Variants in MAML3 observed in about 807,000 individuals in gnomAD.
The protein encoded by MAML3 is mastermind like transcriptional coactivator 3.
In MAML3, 27 loss-of-function variants were observed where a neutral mutation model predicts 101.9. That is an observed-to-expected ratio of 0.27 (90% CI 0.20 to 0.37). MAML3 has a LOEUF of 0.37. MAML3 is among the 10% of genes least tolerant of loss of function. The pLI is 1.00. For synonymous variants in MAML3, 501 were observed against 555.9 expected, an observed-to-expected ratio of 0.90 and a Z score of 1.39; for missense variants, 1,316 against 1,444.9, an observed-to-expected ratio of 0.91 and a Z score of 1.45.
intron 1 of MAML3, among the ~76,000 whole-genome samples, chr4:139,926,385 GGTC>G (rs551574475): frequency 6.6e-5 from 10 of 152,292 alleles, no homozygotes; most frequent in Admixed American, 6.5e-4. Flanking sequence ...GATCACCTGA[GGTC>G]AGGAGATCAA....
intron 2 of MAML3, among the ~76,000 whole-genome samples, chr4:139,816,752 C>A (rs1320489248): frequency 6.6e-6 from 1 of 151,954 alleles, no homozygotes; most frequent in Non-Finnish European, 1.5e-5. Context: ...TGTTAAAATA[C>A]CTAACCTCTG....
intron 2 of MAML3, among the ~76,000 whole-genome samples, chr4:139,828,053 A>ACAAAT (rs1342319705): frequency 3.9e-5 from 6 of 152,266 alleles, no homozygotes; most frequent in Non-Finnish European, 8.8e-5. Context: ...TGTCTGACAC[A>ACAAAT]CTTGCACATA....
chr4:140,142,046 T>C (rs1270493467), intron 1 of MAML3, among the ~76,000 whole-genome samples: 1 of 152,164 alleles, frequency 6.6e-6, no homozygotes, highest in Admixed American at 6.5e-5. Context: ...TATCAATCAA[T>C]AGAGAATCAT....
chr4:139,847,130 T>C (rs1169601396), intron 2 of MAML3, among the ~76,000 whole-genome samples: 1 of 152,246 alleles, frequency 6.6e-6, no homozygotes, highest in Non-Finnish European at 1.5e-5. Context: ...TTTTCCTTTC[T>C]TCTTCCTTTC....
chr4:140,122,791 CAAAAAAAAAA>C (rs35276329), intron 1 of MAML3, among the ~76,000 whole-genome samples: 1 of 82,950 alleles, frequency 1.2e-5, no homozygotes, highest in Non-Finnish European at 2.6e-5. Context: ...GACTCCGTCT[CAAAAAAAAAA>C]AAAAAAAAAA....
At chr4:139,874,605 T>C (rs1050359457) in intron 2 of MAML3, among the ~76,000 whole-genome samples, 1 of 152,232 alleles carries the variant, frequency 6.6e-6, no homozygotes, top group African/African-American at 2.4e-5. Flanking sequence ...AATGAATGAA[T>C]GAAACTGGCT....
chr4:140,110,987 T>C (rs1290983705), intron 1 of MAML3, among the ~76,000 whole-genome samples: 1 of 152,190 alleles, frequency 6.6e-6, no homozygotes, highest in Non-Finnish European at 1.5e-5. Context: ...ATTCTTAGAT[T>C]AGTATTTGTG....
At chr4:139,981,426 GATAA>G (rs1257323439) in intron 1 of MAML3, among the ~76,000 whole-genome samples, 1 of 152,170 alleles carries the variant, frequency 6.6e-6, no homozygotes, top group South Asian at 2.1e-4. Flanking sequence ...TTCAGCCCAT[GATAA>G]ATAGTTTTAG....
chr4:140,140,680 T>C (rs1262655527), intron 1 of MAML3, among the ~76,000 whole-genome samples: 2 of 152,238 alleles, frequency 1.3e-5, no homozygotes, highest in African/African-American at 4.8e-5. Flanking sequence ...TGGTAGAGAA[T>C]GACATATAAA....
intron 2 of MAML3, among the ~76,000 whole-genome samples, chr4:139,867,750 T>C (rs558530227): frequency 6.6e-5 from 10 of 152,316 alleles, no homozygotes; most frequent in African/African-American, 2.2e-4. Flanking sequence ...ATTTCACAGA[T>C]GAGAAAACTG....
intron 1 of MAML3, among the ~76,000 whole-genome samples, chr4:140,072,039 A>G (rs1727665739): frequency 6.6e-6 from 1 of 152,194 alleles, no homozygotes; most frequent in South Asian, 2.1e-4. Context: ...CAAGTACCTC[A>G]ACATTGGTTT....
In MAML3 at chr4:139,833,743, G is replaced by C. The variant is rs60216004; in HGVS notation, c.2079+55614C>G. On this transcript the variant is annotated intron_variant, in intron 2 of 4. Coordinates refer to ENST00000509479, the MANE Select transcript of MAML3 (RefSeq NM_018717.5). ...GAAGGTCTCCATCATCATTACGCAG[G>C]GGTTGTGGCTTGGGGATAGACCGAC... is the stretch of plus-strand genomic sequence containing the variant. Among the ~76,000 whole-genome samples the C allele has an allele frequency of 7.2e-3, 1,093 of 152,278 alleles. 46 individuals carry two copies. The East Asian group carries it at 0.13, about 18-fold the overall frequency.
At chr4:139,959,120 T>A (rs1006833528) in intron 1 of MAML3, among the ~76,000 whole-genome samples, 18 of 152,208 alleles carry the variant, frequency 1.2e-4, no homozygotes, top group African/African-American at 4.3e-4. Flanking sequence ...ACCAACCACA[T>A]TAGTTTAACT....
At chr4:140,070,103 G>C (rs1012742057) in intron 1 of MAML3, among the ~76,000 whole-genome samples, 1 of 150,132 alleles carries the variant, frequency 6.7e-6, no homozygotes, top group Non-Finnish European at 1.5e-5. Flanking sequence ...GAGACAGAGC[G>C]AGACTCCATC....
At chr4:139,873,915 A>G (rs759090454) in intron 2 of MAML3, among the ~76,000 whole-genome samples, 3 of 152,248 alleles carry the variant, frequency 2.0e-5, no homozygotes, top group African/African-American at 7.2e-5. Flanking sequence ...TGTTTTGAGC[A>G]TAAGTTGTTA....
intron 1 of MAML3, among the ~76,000 whole-genome samples, chr4:139,952,499 C>A (rs1395792190): frequency 6.6e-6 from 1 of 152,130 alleles, no homozygotes; most frequent in African/African-American, 2.4e-5. Flanking sequence ...AAATCCCTAC[C>A]AACCTCGGAC....
chr4:139,891,856 T>C (rs753332651), intron 1 of MAML3, among the ~76,000 whole-genome samples: 8 of 152,210 alleles, frequency 5.3e-5, no homozygotes, highest in Non-Finnish European at 1.2e-4. Context: ...AAAGCACGTT[T>C]CCACCGGTTT....
At chr4:139,800,883 C>T (rs146526649) in intron 2 of MAML3, among the ~76,000 whole-genome samples, 187 of 152,270 alleles carry the variant, frequency 1.2e-3, no homozygotes, top group African/African-American at 4.1e-3. Context: ...TTGAGCTATC[C>T]GTGATGTTTC....
At chr4:139,994,563 G>A (rs1000565554) in intron 1 of MAML3, among the ~76,000 whole-genome samples, 1 of 152,152 alleles carries the variant, frequency 6.6e-6, no homozygotes, top group Non-Finnish European at 1.5e-5. Flanking sequence ...GGAAGGCTGA[G>A]GTGGGAGGAT....
Sources: allele counts gnomAD v4.1 joint callset (sites outside exome capture counted in the v4.1 genomes callset), GRCh38; gene constraint gnomAD v4.1.1; transcripts MANE v1.5; gene names NCBI Gene and HGNC (gene_info 2026-07-23, HGNC 2026-07-21).